The following MAD1L1 variants were observed in gnomAD, a reference collection of about 807,000 sequenced individuals.
The protein encoded by MAD1L1 is mitotic arrest deficient 1 like 1, also known as mitotic spindle assembly checkpoint protein MAD1.
MAD1L1 carries 95 observed loss-of-function variants against 96.9 expected under a neutral mutation model. The ratio of observed to expected loss-of-function variants is 0.98; its 90% CI spans 0.83 to 1.16. The LOEUF (loss-of-function observed/expected upper bound fraction) is 1.16. MAD1L1 is among the 50% of genes most tolerant of loss of function. The probability of loss-of-function intolerance (pLI) is 0.00; values close to 1 mark genes in which losing one functional copy is unlikely to be tolerated. For missense variants in MAD1L1, 1,007 were observed against 954.4 expected, an observed-to-expected ratio of 1.06 and a Z score of -0.73; for synonymous variants, 473 against 396.6, an observed-to-expected ratio of 1.19 and a Z score of -2.29.
At chr7:1,829,865 T>C (rs534502290) in intron 18 of MAD1L1, among the ~76,000 whole-genome samples, 1 of 151,976 alleles carries the variant, frequency 6.6e-6, no homozygotes, top group African/African-American at 2.4e-5. Context: ...GGAACAAAGA[T>C]GAGAATGACA....
intron 18 of MAD1L1, among the ~76,000 whole-genome samples, chr7:1,823,501 C>T (rs1280530884): frequency 1.3e-5 from 2 of 152,208 alleles, no homozygotes; most frequent in Admixed American, 1.3e-4. Context: ...CCCATCTCTC[C>T]TAGAACGCCA....
intron 15 of MAD1L1, among the ~76,000 whole-genome samples, chr7:1,960,834 A>G (rs1779923124): frequency 6.6e-6 from 1 of 152,180 alleles, no homozygotes; most frequent in Admixed American, 6.5e-5. Flanking sequence ...AGAGCAGGAG[A>G]CCCAGTCTTT....
intron 14 of MAD1L1, among the ~76,000 whole-genome samples, chr7:1,993,356 G>T (rs1290704685): frequency 6.6e-6 from 1 of 152,226 alleles, no homozygotes; most frequent in Non-Finnish European, 1.5e-5. Context: ...TCAGTCCGCA[G>T]ACCAAGGCAA....
intron 14 of MAD1L1, among the ~76,000 whole-genome samples, chr7:1,995,279 C>T (rs1054570402): frequency 1.4e-4 from 21 of 152,100 alleles, no homozygotes; most frequent in East Asian, 3.9e-4. Context: ...AGCTGGTGAA[C>T]GGGCAGCGAG....
chr7:1,944,974 A>G (rs567435466), intron 16 of MAD1L1, among the ~76,000 whole-genome samples: 1 of 152,132 alleles, frequency 6.6e-6, no homozygotes, highest in Admixed American at 6.5e-5. Context: ...AGTGGCCACC[A>G]AGGGAGCCGG....
At chr7:2,089,663 C>G (rs1186811065) in intron 11 of MAD1L1, among the ~76,000 whole-genome samples, 1 of 150,990 alleles carries the variant, frequency 6.6e-6, no homozygotes, top group African/African-American at 2.4e-5. Flanking sequence ...GTCCCCGGGG[C>G]CCACCCCACA....
At chr7:2,195,441 A>G (rs1791937702) in intron 10 of MAD1L1, among the ~76,000 whole-genome samples, 1 of 152,258 alleles carries the variant, frequency 6.6e-6, no homozygotes, top group Admixed American at 6.5e-5. Flanking sequence ...TAGAAAGAGC[A>G]AATGGGAATA....
chr7:1,888,897 G>T (rs918150592), intron 18 of MAD1L1, among the ~76,000 whole-genome samples: 7 of 152,206 alleles, frequency 4.6e-5, no homozygotes, highest in Non-Finnish European at 1.0e-4. Flanking sequence ...GACACGAGAG[G>T]TCGACCTGCT....
At chr7:2,010,296 G>C (rs915521316) in intron 13 of MAD1L1, among the ~76,000 whole-genome samples, 1 of 152,026 alleles carries the variant, frequency 6.6e-6, no homozygotes. Flanking sequence ...GGGAGGTCAC[G>C]GGGAGGAAGG....
intron 14 of MAD1L1, among the ~76,000 whole-genome samples, chr7:1,988,823 TTCTC>T (rs939038528): frequency 6.6e-5 from 10 of 152,146 alleles, no homozygotes; most frequent in African/African-American, 1.4e-4. Context: ...GTGGAAATCA[TTCTC>T]TCTGGCCAAA....
chr7:2,037,480 G>T (rs1783492144), intron 12 of MAD1L1, among the ~76,000 whole-genome samples: 2 of 152,232 alleles, frequency 1.3e-5, no homozygotes, highest in South Asian at 4.1e-4. Context: ...ACACGGCTCT[G>T]TCACATCTGG....
intron 10 of MAD1L1, among the ~76,000 whole-genome samples, chr7:2,189,797 G>C (rs536099439): frequency 2.3e-3 from 355 of 152,304 alleles, no homozygotes; most frequent in Non-Finnish European, 3.7e-3. Flanking sequence ...CAATTTTATT[G>C]TATATGTATT....
intron 10 of MAD1L1, among the ~76,000 whole-genome samples, chr7:2,188,279 C>G (rs556168837): frequency 6.6e-6 from 1 of 152,310 alleles, no homozygotes; most frequent in East Asian, 1.9e-4. Flanking sequence ...GCCATCTAGA[C>G]GTTCAATGCA....
intron 10 of MAD1L1, among the ~76,000 whole-genome samples, chr7:2,169,330 C>G (rs1214972415): frequency 2.6e-5 from 4 of 152,136 alleles, no homozygotes; most frequent in Admixed American, 1.3e-4. Context: ...TTTTATGTAT[C>G]TGTATTTCCC....
intron 18 of MAD1L1, among the ~76,000 whole-genome samples, chr7:1,860,708 CCCTGGGCATCAT>C (rs1472366596): frequency 2.6e-5 from 4 of 152,182 alleles, no homozygotes; most frequent in Non-Finnish European, 5.9e-5. Context: ...AATAAGGATC[CCCTGGGCATCAT>C]CCTGGGCATC....
chr7:1,922,623 G>T (rs1172618903), intron 17 of MAD1L1, among the ~76,000 whole-genome samples: 1 of 152,210 alleles, frequency 6.6e-6, no homozygotes, highest in Non-Finnish European at 1.5e-5. Context: ...TCCAGTCCGT[G>T]TGCCTTCGAC....
At chr7:1,929,760 C>A in intron 17 of MAD1L1, among the ~76,000 whole-genome samples, 1 of 149,826 alleles carries the variant, frequency 6.7e-6, no homozygotes, top group Non-Finnish European at 1.5e-5. Context: ...GTCCCCACTG[C>A]CACGTCCCCT....
chr7:2,209,324 C>T (rs3800933), intron 10 of MAD1L1, among the ~76,000 whole-genome samples: 63,707 of 151,998 alleles, frequency 0.42, 16,148 homozygotes, highest in East Asian at 0.76. Flanking sequence ...GGGGCGAGGC[C>T]GAAGAGCCCT....
intron 16 of MAD1L1, among the ~76,000 whole-genome samples, chr7:1,940,980 T>TCTTCCTCTCCCAGGCCTCAGCCTCCC (rs1778956434): frequency 6.6e-6 from 1 of 150,744 alleles, no homozygotes; most frequent in Non-Finnish European, 1.5e-5. Flanking sequence ...CTCACCCTCC[T>TCTTCCTCTCCCAGGCCTCAGCCTCCC]CTTCCTCTCC....
Sources: allele counts gnomAD v4.1 joint callset (sites outside exome capture counted in the v4.1 genomes callset), GRCh38; gene constraint gnomAD v4.1.1; transcripts MANE v1.5; gene names NCBI Gene and HGNC (gene_info 2026-07-23, HGNC 2026-07-21).